The following TMEM143 variants were observed in gnomAD, a reference collection of about 807,000 sequenced individuals.
TMEM143 encodes the protein transmembrane protein 143.
A neutral mutation model predicts 40.3 loss-of-function variants in TMEM143; 45 were observed. The ratio of observed to expected loss-of-function variants is 1.12; its 90% CI spans 0.88 to 1.43. The LOEUF is 1.43. TMEM143 is among the 40% of genes most tolerant of loss of function. The pLI, the probability that TMEM143 is intolerant of heterozygous loss-of-function variation, is 0.00. For missense variants in TMEM143, 620 were observed against 613.4 expected, an observed-to-expected ratio of 1.01 and a Z score of -0.11; for synonymous variants, 299 against 282.7, an observed-to-expected ratio of 1.06 and a Z score of -0.58.
intron 6 of TMEM143, among the ~76,000 whole-genome samples, chr19:48,334,438 C>CTT (rs1196744449): frequency 3.9e-4 from 14 of 35,630 alleles, no homozygotes; most frequent in Admixed American, 2.4e-3. Context: ...TTCTTTCTTT[C>CTT]TTTCTTTCTT....
At chr19:48,361,545 T>TG (rs1429256319) in intron 2 of TMEM143, among the ~76,000 whole-genome samples, 1 of 149,912 alleles carries the variant, frequency 6.7e-6, no homozygotes, top group East Asian at 2.0e-4. Flanking sequence ...CTTTTTTTTT[T>TG]TTTGAGATGG....
At position 48,342,897 on chromosome 19, in the gene TMEM143, T is replaced by C. The variant is rs1381426904; in HGVS notation, c.696-88A>G. Reference sequence around the variant, plus strand: ...AATCCTAGGACGCTCACTCTGGCTCTACAGTCGCACAACCATCTTAAAAGC... The same window carrying C: ...AATCCTAGGACGCTCACTCTGGCTCCACAGTCGCACAACCATCTTAAAAGC... On this transcript the variant is annotated intron_variant, in intron 5 of 7. Coordinates refer to ENST00000293261, the MANE Select transcript of TMEM143 (RefSeq NM_018273.4). 4.2e-6 allele frequency: 6 copies of C among 1,438,364 alleles called. No homozygotes were observed. The East Asian group carries it at 1.2e-4, about 29-fold the overall frequency. The allele number at this position is 1,438,364 out of a possible 1,614,324, so 89.1% of individuals were successfully genotyped here.
At chr19:48,349,112 A>C (rs775608713) in intron 3 of TMEM143, among the ~76,000 whole-genome samples, 1 of 152,056 alleles carries the variant, frequency 6.6e-6, no homozygotes, top group Non-Finnish European at 1.5e-5. Context: ...GGATTGCTTG[A>C]ACCCAGGAGA....
chr19:48,349,124 T>A (rs575071111), intron 3 of TMEM143, among the ~76,000 whole-genome samples: 4 of 151,778 alleles, frequency 2.6e-5, no homozygotes, highest in South Asian at 2.1e-4. Flanking sequence ...CCCAGGAGAT[T>A]AAGTCTATAG....
chr19:48,354,385 C>A (rs1475429666), intron 3 of TMEM143, among the ~76,000 whole-genome samples: 1 of 151,486 alleles, frequency 6.6e-6, no homozygotes, highest in African/African-American at 2.4e-5. Context: ...CTACCTCAGC[C>A]TCCCGAGTAG....
rs1569022435 is a variant in TMEM143 at position 48,334,458 on chromosome 19, CTTTCTT to C, written c.976-267_976-262del. 2.8e-4 allele frequency among the ~76,000 whole-genome samples: 14 copies of C among 50,544 alleles called. 1 individual carries two copies. The highest frequency in any genetic ancestry group is 7.4e-4 in the African/African-American group (11 of 14,880). The allele number at this position is 50,544 out of a possible 152,430, so 33.2% of individuals were successfully genotyped here. A position where few individuals can be genotyped will look rare whatever the true frequency, so the allele number is the denominator to read the frequency against. The stretch of plus-strand genomic sequence containing the variant: ...TCTTTCTTTCTTTCTTTCTTTCTTT[CTTTCTT>C]TCTTTCTTTCTTTCTTTTTCTTTCT... On this transcript the variant is annotated intron_variant, in intron 6 of 7. Coordinates refer to ENST00000293261, the MANE Select transcript of TMEM143 (RefSeq NM_018273.4).
intron 6 of TMEM143, among the ~76,000 whole-genome samples, chr19:48,341,409 G>A (rs927787027): frequency 2.0e-5 from 3 of 152,194 alleles, no homozygotes; most frequent in Non-Finnish European, 4.4e-5. Flanking sequence ...CTGGGCCCCA[G>A]TCCCAGAGTT....
At chr19:48,334,264 G>C (rs897051143) in intron 6 of TMEM143, 67 bp from the exon 7 acceptor site, 3 of 1,481,148 alleles carry the variant, frequency 2.0e-6, no homozygotes, top group South Asian at 2.6e-5. Context: ...CAGCCCCCGG[G>C]GTCACCCCCG....
chr19:48,360,938 C>T (rs1970026580), intron 2 of TMEM143, among the ~76,000 whole-genome samples: 1 of 151,820 alleles, frequency 6.6e-6, no homozygotes, highest in Non-Finnish European at 1.5e-5. Context: ...AGGTGCCCAC[C>T]ACCATGCCTG....
chr19:48,360,269 A>G (rs1600928533), intron 2 of TMEM143, 93 bp from the exon 3 acceptor site: 3 of 1,280,452 alleles, frequency 2.3e-6, no homozygotes, highest in Non-Finnish European at 3.3e-6. Flanking sequence ...ACACAATCAG[A>G]GCTCTGGACT....
chr19:48,352,754 G>A (rs567559991), intron 3 of TMEM143, among the ~76,000 whole-genome samples: 53 of 151,942 alleles, frequency 3.5e-4, no homozygotes, highest in African/African-American at 7.5e-4. Context: ...CAGCCTGGGC[G>A]ACAGAGCAAA....
chr19:48,348,797 C>CGGGAA (rs1468184422), intron 3 of TMEM143, among the ~76,000 whole-genome samples: 1 of 152,190 alleles, frequency 6.6e-6, no homozygotes, highest in African/African-American at 2.4e-5. Flanking sequence ...CTACTGCCCT[C>CGGGAA]GGGAATCAGG....
chr19:48,353,475 T>G (rs985344507), intron 3 of TMEM143, among the ~76,000 whole-genome samples: 1 of 151,778 alleles, frequency 6.6e-6, no homozygotes, highest in Non-Finnish European at 1.5e-5. Context: ...TGAGCCACCA[T>G]GCCCGGCCCA....
rs1415515355 is a variant in TMEM143 at position 48,333,980 on chromosome 19, G to A, written c.1165+28C>T. On this transcript the variant is annotated intron_variant, in intron 7 of 7. Transcript: ENST00000293261. The surrounding 1 kb of genome is among the most constrained non-coding windows in gnomAD (Gnocchi z 4.1). Reference sequence around the variant, plus strand: ...GGGCCTCGCGGGGGTGTGGCCCCTGGGGGCAGGGTCCCAGGGCCACGTCCT... The same window carrying A: ...GGGCCTCGCGGGGGTGTGGCCCCTGAGGGCAGGGTCCCAGGGCCACGTCCT... The A allele has an allele frequency of 1.3e-6, 2 of 1,504,728 alleles. No homozygotes were observed. The highest frequency in any genetic ancestry group is 1.4e-5 in the African/African-American group (1 of 71,914). The allele number at this position is 1,504,728 out of a possible 1,614,324, so 93.2% of individuals were successfully genotyped here. A position where few individuals can be genotyped will look rare whatever the true frequency, so the allele number is the denominator to read the frequency against.
intron 3 of TMEM143, among the ~76,000 whole-genome samples, chr19:48,352,438 G>T (rs1969798840): frequency 6.7e-6 from 1 of 148,394 alleles, no homozygotes; most frequent in Non-Finnish European, 1.5e-5. Context: ...CAAGTAGCTG[G>T]GACCACAGGT....
At position 48,333,336 on chromosome 19, in the gene TMEM143, C is replaced by A; in HGVS notation, c.1263G>T (p.Leu421=). The A allele has an allele frequency of 6.2e-7, 1 of 1,609,656 alleles. No individual in the cohort carries two copies. Among genetic ancestry groups the A allele is most frequent in the Non-Finnish European group, 8.5e-7 (1 of 1,176,980 alleles). The change falls in exon 8 of 8, where the codon CTG becomes CTT. Residue 421 remains leucine (L), a synonymous_variant. Transcript: ENST00000293261. This position sits in a 1 kb window ranked among gnomAD's most constrained non-coding sequence, Gnocchi z 4.1. ...ATCCCATGCTGGGGGTCAGGGCCTGCAGATGCGCCAGGGCCCGAGTTCCGT... is the reference window on the plus strand; with the variant it reads ...ATCCCATGCTGGGGGTCAGGGCCTGAAGATGCGCCAGGGCCCGAGTTCCGT... ...TFNGTRALAH[L]QALTPSMGLY...
At chr19:48,359,899 T>C (rs1194889285) in intron 3 of TMEM143, 173 bp downstream of exon 3, 2 of 607,758 alleles carry the variant, frequency 3.3e-6, no homozygotes, top group African/African-American at 3.7e-5. Flanking sequence ...TGATTCCTTG[T>C]CTCCCCACTT....
chr19:48,342,512 T>C lies in TMEM143; in HGVS notation c.975+18A>G, dbSNP rs375809150. 10 of 1,589,794 alleles carry C rather than the reference T, an allele frequency of 6.3e-6. No individual in the cohort carries two copies. The African/African-American group carries it at 9.4e-5, about 15-fold the overall frequency. On this transcript the variant is annotated intron_variant, in intron 6 of 7. Transcript: ENST00000293261. ...CCACAGCGCAGGGCCGCAGGAGGCG[T>C]GGCAGGCGCATGCTCACCTTGGAGG...
intron 2 of TMEM143, 30 bp from the exon 3 acceptor site, chr19:48,360,206 T>G: frequency 6.2e-7 from 1 of 1,603,498 alleles, no homozygotes; most frequent in Middle Eastern, 1.7e-4. Flanking sequence ...AACTTCTCTG[T>G]AGGCCTTTTC....
Sources: allele counts gnomAD v4.1 joint callset (sites outside exome capture counted in the v4.1 genomes callset), GRCh38; gene constraint gnomAD v4.1.1; non-coding constraint Gnocchi (gnomAD v3.1); transcripts MANE v1.5; gene names NCBI Gene and HGNC (gene_info 2026-07-23, HGNC 2026-07-21).